PTPRD: variants seen among roughly 807,000 people sequenced by gnomAD.
PTPRD encodes protein tyrosine phosphatase receptor type D, also known as receptor-type tyrosine-protein phosphatase delta.
In PTPRD, 34 loss-of-function variants were observed where a neutral mutation model predicts 214.5. That is an observed-to-expected ratio of 0.16 (90% CI 0.12 to 0.21). PTPRD has a LOEUF of 0.21. PTPRD is among the 10% of genes least tolerant of loss of function. The pLI is 1.00. For missense variants in PTPRD, 2,545 were observed against 2,398.7 expected (o/e 1.06, Z -1.27); for synonymous variants, 1,128 against 845.7 (o/e 1.33, Z -5.79).
At chr9:9,675,723 T>C (rs1455483209) in intron 7 of PTPRD, among the ~76,000 whole-genome samples, 1 of 151,996 alleles carries the variant, frequency 6.6e-6, no homozygotes, top group African/African-American at 2.4e-5. Flanking sequence ...TCCACCAAAA[T>C]GCTTGTATTG....
chr9:9,676,917 A>G (rs2096943133), intron 7 of PTPRD, among the ~76,000 whole-genome samples: 1 of 152,134 alleles, frequency 6.6e-6, no homozygotes, highest in Non-Finnish European at 1.5e-5. Context: ...GGCTGCATGA[A>G]TGTCTTCTTT....
chr9:8,787,209 G>C (rs1173566303), intron 11 of PTPRD, among the ~76,000 whole-genome samples: 1 of 152,082 alleles, frequency 6.6e-6, no homozygotes, highest in Admixed American at 6.5e-5. Flanking sequence ...TAGTTACCTT[G>C]GGAAGCTAGA....
chr9:8,947,056 G>A (rs907152531), intron 11 of PTPRD, among the ~76,000 whole-genome samples: 8 of 120,188 alleles, frequency 6.7e-5, no homozygotes, highest in Admixed American at 2.8e-4. Context: ...TGTGTGTCTC[G>A]ATCTTCCTCC....
intron 6 of PTPRD, among the ~76,000 whole-genome samples, chr9:9,745,406 AAAG>A (rs1259581596): frequency 2.6e-5 from 4 of 152,118 alleles, no homozygotes; most frequent in Non-Finnish European, 4.4e-5. Context: ...CAAGTAGCAC[AAAG>A]AAGTTTTCCT....
intron 9 of PTPRD, among the ~76,000 whole-genome samples, chr9:9,330,499 G>A (rs569154823): frequency 6.6e-6 from 1 of 151,790 alleles, no homozygotes; most frequent in Admixed American, 6.6e-5. Context: ...GCCACATTAA[G>A]AAAAAAACTT....
rs559639518 is a variant in PTPRD at position 9,601,738 on chromosome 9, G to T, written c.-286-26957C>A. 1.8e-3 allele frequency among the ~76,000 whole-genome samples: 269 copies of T among 152,164 alleles called. 1 individual carries two copies. Among genetic ancestry groups the T allele is most frequent in the African/African-American group, 5.8e-3 (240 of 41,558 alleles). Reference sequence around the variant, plus strand: ...CTAGATGTGCTTTTGAATAGAAAAGGTTAAGATCATTGTTCTGGTGGAAAC... The same window carrying T: ...CTAGATGTGCTTTTGAATAGAAAAGTTTAAGATCATTGTTCTGGTGGAAAC... On this transcript the variant is annotated intron_variant, in intron 7 of 45. Transcript: ENST00000381196.
intron 4 of PTPRD, among the ~76,000 whole-genome samples, chr9:10,030,424 T>C (rs2097036112): frequency 6.6e-6 from 1 of 152,208 alleles, no homozygotes; most frequent in Non-Finnish European, 1.5e-5. Flanking sequence ...GATATGTTGA[T>C]TTGTTTCTCA....
chr9:9,631,252 AGTGAG>A (rs2095583920), intron 7 of PTPRD, among the ~76,000 whole-genome samples: 1 of 151,562 alleles, frequency 6.6e-6, no homozygotes, highest in Non-Finnish European at 1.5e-5. Flanking sequence ...AAAAAGAAAG[AGTGAG>A]CTCTGGGTGG....
At chr9:9,410,172 G>A (rs1430615544) in intron 8 of PTPRD, among the ~76,000 whole-genome samples, 2 of 152,244 alleles carry the variant, frequency 1.3e-5, no homozygotes, top group East Asian at 3.9e-4. Flanking sequence ...TTCCTGACCA[G>A]AGGTTACTGG....
At chr9:9,024,781 G>A (rs977340009) in intron 10 of PTPRD, among the ~76,000 whole-genome samples, 1 of 151,506 alleles carries the variant, frequency 6.6e-6, no homozygotes, top group Non-Finnish European at 1.5e-5. Context: ...ATAATTACTT[G>A]TAATAACTTT....
intron 9 of PTPRD, among the ~76,000 whole-genome samples, chr9:9,339,320 TAA>T (rs558687690): frequency 3.6e-5 from 5 of 139,968 alleles, no homozygotes; most frequent in Admixed American, 1.4e-4. Context: ...TACTAAAAAT[TAA>T]AAAAAAAAAA....
chr9:10,536,380 G>C (rs1285896445), intron 2 of PTPRD, among the ~76,000 whole-genome samples: 2 of 152,024 alleles, frequency 1.3e-5, no homozygotes, highest in Non-Finnish European at 2.9e-5. Flanking sequence ...GTCCTTTCAA[G>C]ATTTCTTCTT....
At position 9,257,348 on chromosome 9, in the gene PTPRD, A is replaced by G. The variant is rs73641280; in HGVS notation, c.-202-73985T>C. ...ATGATGTTGAGTCTGTGGTAGTTTC[A>G]TAAACTATATGAGACACAATTTGAG... On this transcript the variant is annotated intron_variant, in intron 9 of 45. Coordinates refer to ENST00000381196, the MANE Select transcript of PTPRD (RefSeq NM_002839.4). Among the ~76,000 whole-genome samples the G allele has an allele frequency of 5.9e-3, 902 of 152,124 alleles. 10 individuals are homozygous for G. Among genetic ancestry groups the G allele is most frequent in the African/African-American group, 0.02 (838 of 41,546 alleles).
At chr9:9,245,713 T>C (rs1191862905) in intron 9 of PTPRD, among the ~76,000 whole-genome samples, 1 of 152,150 alleles carries the variant, frequency 6.6e-6, no homozygotes, top group African/African-American at 2.4e-5. Flanking sequence ...GGCACATGTA[T>C]ACATATGTAA....
intron 6 of PTPRD, among the ~76,000 whole-genome samples, chr9:9,737,823 T>C (rs1396422121): frequency 6.6e-6 from 1 of 152,150 alleles, no homozygotes; most frequent in Non-Finnish European, 1.5e-5. Context: ...TGTGTGAACA[T>C]TTGTTTACAG....
intron 9 of PTPRD, among the ~76,000 whole-genome samples, chr9:9,260,653 G>A (rs1238234485): frequency 6.6e-6 from 1 of 151,792 alleles, no homozygotes; most frequent in Admixed American, 6.6e-5. Flanking sequence ...GCATTGTAAA[G>A]TGGTGATCCT....
intron 11 of PTPRD, among the ~76,000 whole-genome samples, chr9:8,843,941 G>A (rs909463897): frequency 7.2e-5 from 11 of 152,132 alleles, no homozygotes; most frequent in African/African-American, 2.4e-4. Context: ...TTTACTCTCA[G>A]GTCCTTTCCA....
At chr9:8,727,973 C>G (rs545450639) in intron 12 of PTPRD, among the ~76,000 whole-genome samples, 1 of 152,188 alleles carries the variant, frequency 6.6e-6, no homozygotes, top group African/African-American at 2.4e-5. Flanking sequence ...TGAGGCCAGG[C>G]GCAGTGGCTC....
chr9:10,568,047 T>C (rs1159342865), intron 2 of PTPRD, among the ~76,000 whole-genome samples: 1 of 151,948 alleles, frequency 6.6e-6, no homozygotes, highest in African/African-American at 2.4e-5. Context: ...ACATGTGCCA[T>C]GTTGGTGTGC....
Sources: allele counts gnomAD v4.1 joint callset (sites outside exome capture counted in the v4.1 genomes callset), GRCh38; gene constraint gnomAD v4.1.1; transcripts MANE v1.5; gene names NCBI Gene and HGNC (gene_info 2026-07-23, HGNC 2026-07-21).